EWSR1: variants seen among roughly 807,000 people sequenced by gnomAD.
EWSR1 encodes RNA-binding protein EWS.
A neutral mutation model predicts 92.1 loss-of-function variants in EWSR1; 14 were observed. That is an observed-to-expected ratio of 0.15 (90% CI 0.10 to 0.24). EWSR1 has a LOEUF of 0.24. Among genes scored for constraint, EWSR1 ranks in the 10% least tolerant of loss-of-function variants. The pLI, the probability that EWSR1 is intolerant of heterozygous loss-of-function variation, is 1.00. For missense variants in EWSR1, 637 were observed against 870.9 expected (o/e 0.73, Z 3.38); for synonymous variants, 303 against 292.9 (o/e 1.03, Z -0.35).
chr22:29,268,312 A>T lies in EWSR1; in HGVS notation c.-25A>T. 6.2e-7 allele frequency: 1 copy of T among 1,613,234 alleles called. No homozygotes were observed. The highest frequency in any genetic ancestry group is 2.2e-5 in the East Asian group (1 of 44,862). On this transcript the variant is annotated 5_prime_UTR_variant, in exon 1 of 17. Coordinates refer to ENST00000397938, the MANE Select transcript of EWSR1 (RefSeq NM_005243.4). ...GAAAGCGAGAGGGAGACGGACGTTG[A>T]GAGAACGAGGAGGAAGGAGAGAAAA...
intron 3 of EWSR1, 96 bp from the exon 4 acceptor site, chr22:29,273,645 A>G: frequency 2.9e-6 from 4 of 1,363,960 alleles, no homozygotes; most frequent in South Asian, 1.3e-5. Flanking sequence ...CTAGAAAGGA[A>G]TGTTTTTGAT....
At chr22:29,271,903 G>C (rs964747184) in intron 1 of EWSR1, among the ~76,000 whole-genome samples, 3 of 152,204 alleles carry the variant, frequency 2.0e-5, no homozygotes, top group African/African-American at 7.2e-5. Flanking sequence ...TGATATTGAT[G>C]ATCATCCTGT....
chr22:29,293,522 T>G (rs2060607773), intron 11 of EWSR1, among the ~76,000 whole-genome samples: 1 of 132,644 alleles, frequency 7.5e-6, no homozygotes, highest in African/African-American at 3.5e-5. Context: ...TGAGTGATCT[T>G]TTTTTCCCCA....
Position 29,283,696 on chromosome 22 carries a change from T to A in EWSR1, c.581+1139T>A, listed in dbSNP as rs1006202275. 9.2e-4 allele frequency among the ~76,000 whole-genome samples: 45 copies of A among 49,068 alleles called. 3 individuals are homozygous for A. Among genetic ancestry groups the A allele is most frequent in the African/African-American group, 2.1e-3 (32 of 15,214 alleles). 32.2% of individuals were successfully genotyped at this position (49,068 alleles called of 152,430 possible). A position where few individuals can be genotyped will look rare whatever the true frequency, so the allele number is the denominator to read the frequency against. ...GCTCACTACCACACCTGGCAAAAATTTTTTTTTTTGTATTTTTAGTAGAGA... is the reference window on the plus strand; with the variant it reads ...GCTCACTACCACACCTGGCAAAAATATTTTTTTTTGTATTTTTAGTAGAGA... On this transcript the variant is annotated intron_variant, in intron 6 of 16. Transcript: ENST00000397938.
chr22:29,270,149 G>A (rs911498524), intron 1 of EWSR1, among the ~76,000 whole-genome samples: 2 of 152,180 alleles, frequency 1.3e-5, no homozygotes, highest in Non-Finnish European at 2.9e-5. Context: ...CTCAACTCAG[G>A]TAGTGTGAAG....
At chr22:29,299,136 C>A (rs1414359377) in intron 14 of EWSR1, 98 bp from the exon 15 acceptor site, 2 of 1,603,784 alleles carry the variant, frequency 1.2e-6, no homozygotes, top group Non-Finnish European at 8.5e-7. Flanking sequence ...TACATAGATC[C>A]TCTTGATAGT....
intron 4 of EWSR1, among the ~76,000 whole-genome samples, chr22:29,275,395 C>T (rs913000237): frequency 3.9e-5 from 6 of 152,126 alleles, no homozygotes; most frequent in African/African-American, 1.4e-4. Context: ...CCCATCATGA[C>T]TGTGGGCCTA....
chr22:29,280,601 G>A (rs1438619387), intron 5 of EWSR1, among the ~76,000 whole-genome samples: 3 of 151,864 alleles, frequency 2.0e-5, no homozygotes, highest in African/African-American at 7.3e-5. Flanking sequence ...GAGACTTTGA[G>A]CCAAGTTAGA....
At chr22:29,299,986 TGGGGGC>T in intron 16 of EWSR1, 130 bp from the exon 17 acceptor site, 10 of 1,404,308 alleles carry the variant, frequency 7.1e-6, no homozygotes, top group South Asian at 1.3e-5. Context: ...AAGGGGCACC[TGGGGGC>T]TCTGGAAGGG....
intron 7 of EWSR1, among the ~76,000 whole-genome samples, chr22:29,287,353 G>C (rs571926154): frequency 7.9e-5 from 12 of 151,928 alleles, no homozygotes; most frequent in Admixed American, 5.9e-4. Flanking sequence ...GATGATAGGC[G>C]CCTGCCACTA....
intron 4 of EWSR1, chr22:29,274,299 C>A: frequency 6.2e-7 from 1 of 1,613,522 alleles, no homozygotes; most frequent in Non-Finnish European, 8.5e-7. Flanking sequence ...CTATCCTGCT[C>A]ATTCTTGCAT....
chr22:29,275,387 C>A (rs560682714), intron 4 of EWSR1, among the ~76,000 whole-genome samples: 1 of 152,266 alleles, frequency 6.6e-6, no homozygotes, highest in East Asian at 1.9e-4. Context: ...GAGAAATCCC[C>A]ATCATGACTG....
intron 8 of EWSR1, chr22:29,290,503 G>A (rs577230654): frequency 6.2e-7 from 1 of 1,612,926 alleles, no homozygotes; most frequent in Admixed American, 1.7e-5. Context: ...AGTGGGACTA[G>A]ACACGGTGTC....
intron 6 of EWSR1, among the ~76,000 whole-genome samples, chr22:29,285,552 CAG>C (rs2059961559): frequency 6.6e-6 from 1 of 151,422 alleles, no homozygotes; most frequent in Non-Finnish European, 1.5e-5. Context: ...TATTAATACT[CAG>C]ATTTCATAGT....
intron 4 of EWSR1, chr22:29,275,939 T>G (rs1239085195): frequency 2.6e-5 from 6 of 231,816 alleles, no homozygotes; most frequent in Non-Finnish European, 5.1e-5. Flanking sequence ...TTTTTTGTTT[T>G]TTTTTTGGTC....
intron 13 of EWSR1, among the ~76,000 whole-genome samples, chr22:29,298,418 A>ATTGT (rs976129488): frequency 2.6e-5 from 4 of 151,188 alleles, no homozygotes; most frequent in South Asian, 2.1e-4. Context: ...AGGCAGGAGA[A>ATTGT]TTGTTTGAAT....
At chr22:29,275,545 G>A (rs2059038801) in intron 4 of EWSR1, 1 of 224,254 alleles carries the variant, frequency 4.5e-6, no homozygotes, top group Non-Finnish European at 8.9e-6. Flanking sequence ...AGAACTTTTG[G>A]GGTATAAAAA....
Position 29,288,617 on chromosome 22 carries a change from C to T in EWSR1, c.805C>T (p.Gln269Ter). ...SSYGQQSSFR[Q>*]DHPSSMGVYG... ...GACTCTTTCCTCAGGTTCATTCCGA[C>T]AGGACCACCCCAGTAGCATGGGTGT... Residue 269 changes from glutamine (Q) to a stop codon, truncating the protein, a stop_gained, in exon 8 of 17, where the codon CAG becomes TAG. Coordinates refer to ENST00000397938, the MANE Select transcript of EWSR1 (RefSeq NM_005243.4). LOFTEE classifies it high-confidence loss of function. 2 of 1,611,540 alleles carry T rather than the reference C, an allele frequency of 1.2e-6. No individual in the cohort carries two copies. The highest frequency in any genetic ancestry group is 1.1e-5 in the South Asian group (1 of 90,840).
At chr22:29,274,497 C>T (rs2058948904) in intron 4 of EWSR1, 1 of 537,246 alleles carries the variant, frequency 1.9e-6, no homozygotes. Flanking sequence ...TTTAATATTA[C>T]TTTGTTTCAA....
Sources: allele counts gnomAD v4.1 joint callset (sites outside exome capture counted in the v4.1 genomes callset), GRCh38; gene constraint gnomAD v4.1.1; transcripts MANE v1.5; gene names NCBI Gene and HGNC (gene_info 2026-07-23, HGNC 2026-07-21).